Variants in DNAH17 observed in about 807,000 individuals in gnomAD.
The protein encoded by DNAH17 is axonemal beta dynein heavy chain 17.
Under a neutral mutation model 485.6 loss-of-function variants are expected in DNAH17, and 376 were observed. The observed-to-expected ratio is 0.77, with a 90% CI of 0.71 to 0.84. The LOEUF is 0.84. DNAH17 is among the 40% of genes least tolerant of loss of function. The probability of loss-of-function intolerance (pLI) is 0.00; values close to 1 mark genes in which losing one functional copy is unlikely to be tolerated. For missense variants in DNAH17, 6,370 were observed against 5,839.3 expected (o/e 1.09, Z -2.96); for synonymous variants, 3,031 against 2,405.9 (o/e 1.26, Z -7.60).
At position 78,539,962 on chromosome 17, in the gene DNAH17, C is replaced by A. The variant is rs1457839885; in HGVS notation, c.2533-82G>T. On this transcript the variant is annotated intron_variant, in intron 17 of 80. Transcript: ENST00000389840. ...TCACACTGTTTAGTGCCTCTCTGGA[C>A]CGCCCGTCCATGTTCACACGCCGGA... 4.4e-6 allele frequency: 6 copies of A among 1,375,922 alleles called. No homozygotes were observed. In the East Asian group the frequency reaches 1.3e-4, roughly 31 times the overall value. 85.2% of individuals were successfully genotyped at this position (1,375,922 alleles called of 1,614,324 possible).
At chr17:78,431,457 C>CCCCCG (rs1003682284) in intron 75 of DNAH17, among the ~76,000 whole-genome samples, 3 of 148,198 alleles carry the variant, frequency 2.0e-5, no homozygotes, top group African/African-American at 7.9e-5. Context: ...AACCCCCCAC[C>CCCCCG]CCGAGACTCC....
At chr17:78,569,869 C>T (rs577991427) in intron 7 of DNAH17, among the ~76,000 whole-genome samples, 44 of 152,292 alleles carry the variant, frequency 2.9e-4, no homozygotes, top group South Asian at 6.2e-4. Context: ...TCAGCTCGAA[C>T]GCCATGGCTG....
At chr17:78,490,144 T>C (rs1240472992) in intron 44 of DNAH17, 2 of 152,794 alleles carry the variant, frequency 1.3e-5, no homozygotes, top group Admixed American at 6.5e-5. Flanking sequence ...GAGGCCCCCA[T>C]CTTGCTGGCA....
intron 51 of DNAH17, among the ~76,000 whole-genome samples, chr17:78,478,537 CA>C (rs1322297246): frequency 1.3e-5 from 2 of 151,668 alleles, no homozygotes; most frequent in Non-Finnish European, 2.9e-5. Context: ...TCACTATCAT[CA>C]CCACCATCAT....
Position 78,537,380 on chromosome 17 carries a change from T to A in DNAH17, c.2778A>T (p.Ala926=), listed in dbSNP as rs767310697. Residue 926 remains alanine (A), a synonymous_variant, in exon 19 of 81, where the codon GCA becomes GCT. Transcript: ENST00000389840. ...LEVGSDRGFL[A]LIEGLVNDIY... ...TGTCGTTGACCAGGCCCTCGATCAG[T>A]GCCAGGAAGCCGCGATCTGAGCCCA... 1.9e-6 allele frequency: 3 copies of A among 1,612,498 alleles called. No homozygotes were observed. In the South Asian group the frequency reaches 3.3e-5, roughly 18 times the overall value.
chr17:78,425,640 G>A (rs776300416), intron 79 of DNAH17, 69 bp from the exon 80 acceptor site: 31 of 1,408,258 alleles, frequency 2.2e-5, no homozygotes, highest in Admixed American at 4.4e-5. Context: ...GGCCTTGGCC[G>A]TTCTGAGCAG....
intron 44 of DNAH17, 52 bp downstream of exon 44, chr17:78,490,647 G>A: frequency 1.3e-6 from 2 of 1,556,720 alleles, no homozygotes; most frequent in Non-Finnish European, 1.7e-6. Flanking sequence ...AGGCCAACAA[G>A]TTCGTTTTTC....
intron 74 of DNAH17, among the ~76,000 whole-genome samples, chr17:78,434,500 T>G (rs1402587633): frequency 6.6e-6 from 1 of 152,218 alleles, no homozygotes; most frequent in Non-Finnish European, 1.5e-5. Flanking sequence ...CTTCCTAATA[T>G]CTTCCCAAAT....
intron 75 of DNAH17, among the ~76,000 whole-genome samples, chr17:78,431,589 C>G (rs771264056): frequency 3.3e-5 from 5 of 152,154 alleles, no homozygotes; most frequent in Admixed American, 6.5e-5. Flanking sequence ...TCTATTTCCT[C>G]AGAGCCCAGA....
chr17:78,446,896 G>A (rs532924612), intron 69 of DNAH17, among the ~76,000 whole-genome samples: 1 of 152,238 alleles, frequency 6.6e-6, no homozygotes, highest in Non-Finnish European at 1.5e-5. Context: ...TGCCCACCTT[G>A]GCCTCCCAAC....
intron 65 of DNAH17, among the ~76,000 whole-genome samples, chr17:78,452,699 C>CT (rs2087605683): frequency 6.6e-6 from 1 of 152,228 alleles, no homozygotes; most frequent in Non-Finnish European, 1.5e-5. Context: ...GATCGTACCA[C>CT]TGGACTCCAG....
intron 37 of DNAH17, among the ~76,000 whole-genome samples, chr17:78,496,441 G>A (rs1397568547): frequency 1.5e-5 from 2 of 136,246 alleles, no homozygotes; most frequent in Admixed American, 7.6e-5. Flanking sequence ...CCTAATAACA[G>A]TACCAGTCAC....
intron 48 of DNAH17, among the ~76,000 whole-genome samples, chr17:78,483,403 G>GCAGATCACCTGAGGT (rs2089438016): frequency 6.6e-6 from 1 of 152,210 alleles, no homozygotes; most frequent in African/African-American, 2.4e-5. Context: ...CCCGAGGCGG[G>GCAGATCACCTGAGGT]CAGATCACCT....
chr17:78,530,555 C>T (rs780138741), intron 20 of DNAH17, 43 bp from the exon 21 acceptor site: 10 of 1,568,094 alleles, frequency 6.4e-6, no homozygotes, highest in Non-Finnish European at 8.7e-6. Context: ...GCCTGCAAGC[C>T]TAGGGGGGGC....
At chr17:78,475,188 C>G in intron 54 of DNAH17, 90 bp downstream of exon 54, 1 of 1,420,436 alleles carries the variant, frequency 7.0e-7, no homozygotes, top group Non-Finnish European at 9.7e-7. Context: ...TCCCTGTACT[C>G]GCTGGCTTCA....
intron 16 of DNAH17, among the ~76,000 whole-genome samples, chr17:78,547,884 C>T (rs547829831): frequency 6.6e-6 from 1 of 152,360 alleles, no homozygotes; most frequent in East Asian, 1.9e-4. Flanking sequence ...TCCCAAAGTG[C>T]TGGGATTACA....
At chr17:78,516,104 T>C (rs1678546551) in intron 25 of DNAH17, among the ~76,000 whole-genome samples, 1 of 151,988 alleles carries the variant, frequency 6.6e-6, no homozygotes, top group Non-Finnish European at 1.5e-5. Flanking sequence ...AAACTGGGAG[T>C]GTTCACAAGA....
intron 15 of DNAH17, among the ~76,000 whole-genome samples, chr17:78,552,185 G>GC (rs1187863702): frequency 1.3e-5 from 2 of 152,162 alleles, no homozygotes; most frequent in Non-Finnish European, 2.9e-5. Flanking sequence ...CCACGTAGGA[G>GC]CCCCAGACTC....
intron 14 of DNAH17, among the ~76,000 whole-genome samples, 161 bp from the exon 15 acceptor site, chr17:78,552,966 C>A (rs1008809666): frequency 1.3e-5 from 2 of 152,234 alleles, no homozygotes; most frequent in Non-Finnish European, 2.9e-5. Flanking sequence ...GGAGGTGGGG[C>A]CTGGTGGGAG....
Sources: allele counts gnomAD v4.1 joint callset (sites outside exome capture counted in the v4.1 genomes callset), GRCh38; gene constraint gnomAD v4.1.1; transcripts MANE v1.5; gene names NCBI Gene and HGNC (gene_info 2026-07-23, HGNC 2026-07-21).